The following OSBPL10 variants were observed in gnomAD, a reference collection of about 807,000 sequenced individuals.
OSBPL10 encodes oxysterol-binding protein-related protein 10.
In OSBPL10, 49 loss-of-function variants were observed where a neutral mutation model predicts 81.7. That is an observed-to-expected ratio of 0.60 (90% confidence interval 0.48 to 0.76). The LOEUF is 0.76. Among genes scored for constraint, OSBPL10 ranks in the 30% least tolerant of loss-of-function variants. The pLI is 0.00. For synonymous variants in OSBPL10, 419 were observed against 383.6 expected (o/e 1.09, Z -1.08); for missense variants, 923 against 987.8 (o/e 0.93, Z 0.88).
chr3:32,032,951 G>A (rs1167691259), intron 2 of OSBPL10, among the ~76,000 whole-genome samples: 4 of 152,104 alleles, frequency 2.6e-5, no homozygotes, highest in Admixed American at 1.3e-4. Flanking sequence ...AGACCCATTC[G>A]CTATCAGCAA....
Position 31,880,360 on chromosome 3 carries a change from C to T in OSBPL10, c.282-530G>A, listed in dbSNP as rs574514103. Among the ~76,000 whole-genome samples, 17 of 152,318 alleles carry T rather than the reference C, an allele frequency of 1.1e-4. No individual in the cohort carries two copies. In the South Asian group the frequency reaches 3.1e-3, roughly 28 times the overall value. The stretch of plus-strand genomic sequence containing the variant: ...AGGTGCTTCTGCAACCATCTGGACA[C>T]GCTCTAGCAGGCCCATTCACACGAA... On this transcript the variant is annotated intron_variant, in intron 1 of 11. Transcript: ENST00000396556.
intron 1 of OSBPL10, among the ~76,000 whole-genome samples, chr3:31,916,042 G>A (rs574320424): frequency 9.0e-4 from 132 of 146,636 alleles, no homozygotes; most frequent in African/African-American, 3.2e-3. Context: ...GTTGCAGTGA[G>A]CCAAGATCGC....
At chr3:31,777,195 T>C (rs1373280695) in intron 4 of OSBPL10, among the ~76,000 whole-genome samples, 1 of 152,194 alleles carries the variant, frequency 6.6e-6, no homozygotes. Flanking sequence ...GCACATCAGA[T>C]GACATGCCCC....
chr3:31,843,847 G>GTT (rs1380066079), intron 3 of OSBPL10, among the ~76,000 whole-genome samples: 1 of 152,160 alleles, frequency 6.6e-6, no homozygotes, highest in African/African-American at 2.4e-5. Context: ...CGTGCTCAGG[G>GTT]AGTCACATGT....
chr3:31,972,988 T>C (rs1698605578), intron 1 of OSBPL10, among the ~76,000 whole-genome samples: 1 of 152,194 alleles, frequency 6.6e-6, no homozygotes, highest in Admixed American at 6.5e-5. Context: ...AAATAAAGCA[T>C]TTTCTGGGCT....
At chr3:31,788,074 AT>A (rs1367667844) in intron 4 of OSBPL10, among the ~76,000 whole-genome samples, 2 of 152,200 alleles carry the variant, frequency 1.3e-5, no homozygotes, top group African/African-American at 4.8e-5. Context: ...CCCAAAGGAC[AT>A]ATTGATTAGG....
intron 4 of OSBPL10, among the ~76,000 whole-genome samples, chr3:31,808,759 C>T (rs939711750): frequency 6.6e-6 from 1 of 152,214 alleles, no homozygotes; most frequent in Non-Finnish European, 1.5e-5. Flanking sequence ...TTCATAAAAC[C>T]TGACATTTAT....
chr3:31,762,806 G>A (rs1272843955), intron 4 of OSBPL10, among the ~76,000 whole-genome samples: 3 of 151,638 alleles, frequency 2.0e-5, no homozygotes, highest in Non-Finnish European at 4.4e-5. Flanking sequence ...CAATCCTGGG[G>A]CTGAAAGAGT....
intron 4 of OSBPL10, among the ~76,000 whole-genome samples, chr3:31,753,861 G>C (rs892608667): frequency 6.6e-6 from 1 of 152,174 alleles, no homozygotes; most frequent in African/African-American, 2.4e-5. Context: ...CCCGCTTGGA[G>C]ACAGAGCCAG....
intron 1 of OSBPL10, among the ~76,000 whole-genome samples, chr3:31,928,817 C>G (rs1338815027): frequency 6.6e-6 from 1 of 151,312 alleles, no homozygotes; most frequent in African/African-American, 2.4e-5. Flanking sequence ...CCTTTAAACC[C>G]CAACTGGACT....
At chr3:31,743,199 C>T (rs2125687942) in intron 5 of OSBPL10, among the ~76,000 whole-genome samples, 1 of 152,078 alleles carries the variant, frequency 6.6e-6, no homozygotes, top group South Asian at 2.1e-4. Flanking sequence ...CGCCACGACG[C>T]CCAGATAATT....
chr3:31,784,076 C>T (rs936112672), intron 4 of OSBPL10, among the ~76,000 whole-genome samples: 5 of 151,230 alleles, frequency 3.3e-5, no homozygotes, highest in South Asian at 2.1e-4. Context: ...CAGTGGCTCA[C>T]GCATGTAATC....
intron 4 of OSBPL10, chr3:31,794,492 T>C (rs577334621): frequency 3.4e-4 from 88 of 262,452 alleles, no homozygotes; most frequent in African/African-American, 1.9e-3. Context: ...GTGCTGAGGC[T>C]CCTAGCTCAG....
intron 1 of OSBPL10, among the ~76,000 whole-genome samples, chr3:31,904,236 C>A (rs528065234): frequency 1.3e-5 from 2 of 152,242 alleles, no homozygotes; most frequent in African/African-American, 4.8e-5. Flanking sequence ...GCATGAGATC[C>A]CACGCCTCCC....
At chr3:31,966,611 A>G (rs1698410916) in intron 1 of OSBPL10, among the ~76,000 whole-genome samples, 1 of 152,114 alleles carries the variant, frequency 6.6e-6, no homozygotes, top group African/African-American at 2.4e-5. Flanking sequence ...GGGCCTCATG[A>G]ACATTAAAAA....
rs1182577971 is a variant in OSBPL10, at chr3:31,857,599, C to T, written c.537+18834G>A. On this transcript the variant is annotated intron_variant, in intron 3 of 11. Coordinates refer to ENST00000396556, the MANE Select transcript of OSBPL10 (RefSeq NM_017784.5). The stretch of plus-strand genomic sequence containing the variant: ...TTTTTAATAATTCAAATTTTAACCA[C>T]TTGAGTAACTACATTTTTAATATAC... 1.1e-4 allele frequency among the ~76,000 whole-genome samples: 16 copies of T among 151,128 alleles called. No individual in the cohort carries two copies. In the East Asian group the frequency reaches 2.7e-3, roughly 26 times the overall value.
At chr3:31,859,942 T>G (rs1701018624) in intron 3 of OSBPL10, among the ~76,000 whole-genome samples, 1 of 152,102 alleles carries the variant, frequency 6.6e-6, no homozygotes, top group Non-Finnish European at 1.5e-5. Flanking sequence ...GTGAGTGAAA[T>G]TTTCCAATGG....
intron 3 of OSBPL10, among the ~76,000 whole-genome samples, chr3:31,869,453 A>G (rs557333620): frequency 6.6e-6 from 1 of 152,322 alleles, no homozygotes; most frequent in South Asian, 2.1e-4. Flanking sequence ...CCCAAAAATG[A>G]GTGCAAAAGG....
At chr3:31,796,695 T>C (rs980950286) in intron 4 of OSBPL10, among the ~76,000 whole-genome samples, 6 of 152,198 alleles carry the variant, frequency 3.9e-5, no homozygotes, top group East Asian at 1.9e-4. Flanking sequence ...AGAAGTCAAT[T>C]AGCAGATGTC....
Sources: gnomAD v4.1 joint callset for allele counts (sites outside exome capture counted in the v4.1 genomes callset) on GRCh38, gnomAD v4.1.1 for gene constraint, MANE v1.5 for transcripts, NCBI Gene and HGNC (gene_info 2026-07-23, HGNC 2026-07-21) for gene names.